Variants in RAB7A observed in about 807,000 individuals in gnomAD.
The protein encoded by RAB7A is RAB7A, member RAS oncogene family.
RAB7A carries 2 observed loss-of-function variants against 24.5 expected under a neutral mutation model. The ratio of observed to expected loss-of-function variants is 0.08; its 90% confidence interval spans 0.03 to 0.26. The LOEUF (loss-of-function observed/expected upper bound fraction) is 0.26, where lower values mean the gene tolerates loss of function less well. Among genes scored for constraint, RAB7A ranks in the 10% least tolerant of loss-of-function variants. The pLI, the probability that RAB7A is intolerant of heterozygous loss-of-function variation, is 1.00. For missense variants in RAB7A, 118 were observed against 255.7 expected (o/e 0.46, Z 3.67); for synonymous variants, 100 against 95.9 (o/e 1.04, Z -0.25).
chr3:128,785,272 C>T (rs1933313742), intron 1 of RAB7A: 1 of 152,040 alleles, frequency 6.6e-6, no homozygotes, highest in Admixed American at 6.6e-5. Context: ...TTAACTTCGG[C>T]ATCAGTAGAG....
intron 1 of RAB7A, among the ~76,000 whole-genome samples, chr3:128,792,669 A>G (rs1933482046): frequency 6.6e-6 from 1 of 150,486 alleles, no homozygotes; most frequent in African/African-American, 2.5e-5. Context: ...CGGCCTCCCA[A>G]AGTGCTGGCA....
At chr3:128,752,870 G>A (rs1286936423) in intron 1 of RAB7A, among the ~76,000 whole-genome samples, 12 of 151,238 alleles carry the variant, frequency 7.9e-5, no homozygotes, top group Non-Finnish European at 1.8e-4. Context: ...ACACCTTTTG[G>A]CTTTTAAACA....
rs1036501286 is a variant in RAB7A at position 128,814,641 on chromosome 3, C to G, written c.*1219C>G. On this transcript the variant is annotated 3_prime_UTR_variant, in exon 6 of 6. Coordinates refer to ENST00000265062, the MANE Select transcript of RAB7A (RefSeq NM_004637.6). ...TTAACCTCTTTCTTTGGTTGGAACC[C>G]TGGCAGTTCTGCTCCCTTCCTAGGA... 1.3e-5 allele frequency: 2 copies of G among 152,656 alleles called. No individual in the cohort carries two copies. Among genetic ancestry groups the G allele is most frequent in the African/African-American group, 4.8e-5 (2 of 41,460 alleles). 9.5% of individuals were successfully genotyped at this position (152,656 alleles called of 1,614,324 possible). A position where few individuals can be genotyped will look rare whatever the true frequency, so the allele number is the denominator to read the frequency against.
intron 3 of RAB7A, among the ~76,000 whole-genome samples, chr3:128,798,630 C>T (rs1933627840): frequency 6.6e-6 from 1 of 152,022 alleles, no homozygotes; most frequent in Non-Finnish European, 1.5e-5. Flanking sequence ...CCTTCACATT[C>T]TGGCTATAAA....
At chr3:128,779,912 T>G (rs1281314533) in intron 1 of RAB7A, among the ~76,000 whole-genome samples, 1 of 152,200 alleles carries the variant, frequency 6.6e-6, no homozygotes, top group South Asian at 2.1e-4. Context: ...AGGAGAGAAC[T>G]GCACATCCAT....
At chr3:128,755,758 A>G (rs2070724397) in intron 1 of RAB7A, among the ~76,000 whole-genome samples, 1 of 152,140 alleles carries the variant, frequency 6.6e-6, no homozygotes, top group African/African-American at 2.4e-5. Flanking sequence ...AATTTCATGA[A>G]TAATGGTAAT....
rs750429110 is a variant in RAB7A at position 128,801,909 on chromosome 3, G to A, written c.180+3840G>A. Reference sequence around the variant, plus strand: ...CTTAAAAATAGACTGAGGAAAACCTGACAAGCACAGCACTGAGGCTGCCAG... The same window carrying A: ...CTTAAAAATAGACTGAGGAAAACCTAACAAGCACAGCACTGAGGCTGCCAG... On this transcript the variant is annotated intron_variant, in intron 3 of 5. Transcript: ENST00000265062. Among the ~76,000 whole-genome samples, 43 of 152,136 alleles carry A rather than the reference G, an allele frequency of 2.8e-4. 1 individual carries two copies. Among genetic ancestry groups the A allele is most frequent in the Admixed American group, 1.1e-3 (17 of 15,282 alleles).
chr3:128,730,250 G>A (rs1480010866), intron 1 of RAB7A, among the ~76,000 whole-genome samples: 2 of 144,208 alleles, frequency 1.4e-5, no homozygotes, highest in Non-Finnish European at 3.0e-5. Context: ...TTTTTTTTTA[G>A]ACGGAATCTT....
intron 1 of RAB7A, among the ~76,000 whole-genome samples, chr3:128,741,998 G>A (rs2070559143): frequency 6.6e-6 from 1 of 152,110 alleles, no homozygotes. Flanking sequence ...CTGACTTCAA[G>A]AATGAAGCCG....
intron 1 of RAB7A, among the ~76,000 whole-genome samples, chr3:128,734,334 G>C (rs1413333043): frequency 6.6e-6 from 1 of 151,724 alleles, no homozygotes; most frequent in African/African-American, 2.4e-5. Flanking sequence ...GGGAGGCTGA[G>C]ACATGACAAT....
intron 1 of RAB7A, among the ~76,000 whole-genome samples, chr3:128,772,274 G>C (rs550276417): frequency 6.6e-6 from 1 of 152,310 alleles, no homozygotes; most frequent in Non-Finnish European, 1.5e-5. Flanking sequence ...GCAGTGAAAG[G>C]CTAGAATCAT....
At chr3:128,774,201 TAAA>T (rs796939918) in intron 1 of RAB7A, among the ~76,000 whole-genome samples, 1 of 132,866 alleles carries the variant, frequency 7.5e-6, no homozygotes, top group East Asian at 2.1e-4. Flanking sequence ...AAAAAAAAAT[TAAA>T]AAAAAAAAAA....
At chr3:128,750,615 T>G (rs2070671523) in intron 1 of RAB7A, among the ~76,000 whole-genome samples, 1 of 152,220 alleles carries the variant, frequency 6.6e-6, no homozygotes, top group South Asian at 2.1e-4. Context: ...TGGGTACTAT[T>G]AAAGGCATTC....
chr3:128,741,284 C>A (rs1017408510), intron 1 of RAB7A, among the ~76,000 whole-genome samples: 2 of 152,030 alleles, frequency 1.3e-5, no homozygotes, highest in African/African-American at 4.8e-5. Context: ...GTTTTTGTAA[C>A]ATAGAGACTT....
At position 128,814,114 on chromosome 3, in the gene RAB7A, G is replaced by A. The variant is rs1933987075; in HGVS notation, c.*692G>A. The A allele has an allele frequency of 6.4e-6, 1 of 156,450 alleles. No individual in the cohort carries two copies. The highest frequency in any genetic ancestry group is 1.9e-4 in the South Asian group (1 of 5,262). 9.7% of individuals were successfully genotyped at this position (156,450 alleles called of 1,614,324 possible). ...AGTGTAAGAAATTCTTGGATTATGT[G>A]TTTAAGTCCTGTAATGCAGGCCTGT... On this transcript the variant is annotated 3_prime_UTR_variant, in exon 6 of 6. Coordinates refer to ENST00000265062, the MANE Select transcript of RAB7A (RefSeq NM_004637.6).
At chr3:128,806,895 C>T (rs1933815326) in intron 4 of RAB7A, among the ~76,000 whole-genome samples, 1 of 152,252 alleles carries the variant, frequency 6.6e-6, no homozygotes, top group South Asian at 2.1e-4. Flanking sequence ...AGTGCCCTCC[C>T]AGTACCTCCA....
chr3:128,774,718 G>A (rs996050508), intron 1 of RAB7A, among the ~76,000 whole-genome samples: 10 of 152,140 alleles, frequency 6.6e-5, no homozygotes, highest in Non-Finnish European at 1.3e-4. Flanking sequence ...GACCACAGGC[G>A]CCCGCCACCA....
intron 5 of RAB7A, among the ~76,000 whole-genome samples, chr3:128,809,645 G>A (rs1227108654): frequency 6.6e-6 from 1 of 152,088 alleles, no homozygotes; most frequent in Non-Finnish European, 1.5e-5. Flanking sequence ...TGTTTCCTGT[G>A]TCTACCTCAG....
chr3:128,744,990 C>G (rs935722806), intron 1 of RAB7A, among the ~76,000 whole-genome samples: 1 of 151,534 alleles, frequency 6.6e-6, no homozygotes, highest in Non-Finnish European at 1.5e-5. Context: ...TCTCCTGCCT[C>G]AGCATCCCGA....
Sources: gnomAD v4.1 joint callset for allele counts (sites outside exome capture counted in the v4.1 genomes callset) on GRCh38, gnomAD v4.1.1 for gene constraint, MANE v1.5 for transcripts, NCBI Gene and HGNC (gene_info 2026-07-23, HGNC 2026-07-21) for gene names.